The following RNF180 variants were observed in gnomAD, a reference collection of about 807,000 sequenced individuals.
RNF180 encodes the protein ring finger protein 180.
RNF180 carries 38 observed loss-of-function variants against 59.2 expected under a neutral mutation model. The ratio of observed to expected loss-of-function variants is 0.64; its 90% CI spans 0.50 to 0.84. The LOEUF is 0.84. Ranked by LOEUF, RNF180 falls within the 40% of genes least tolerant of loss-of-function variation. The probability of loss-of-function intolerance (pLI) is 0.00; values close to 1 mark genes in which losing one functional copy is unlikely to be tolerated. For missense variants in RNF180, 705 were observed against 700.9 expected (o/e 1.01, Z -0.07); for synonymous variants, 262 against 240.3 (o/e 1.09, Z -0.84).
At chr5:64,244,198 C>T (rs1459145724) in intron 5 of RNF180, among the ~76,000 whole-genome samples, 2 of 152,124 alleles carry the variant, frequency 1.3e-5, no homozygotes, top group Admixed American at 1.3e-4. Context: ...CAAAGGATCA[C>T]AACTCCTTAC....
At chr5:64,329,256 T>C (rs1233723298) in intron 6 of RNF180, among the ~76,000 whole-genome samples, 1 of 152,128 alleles carries the variant, frequency 6.6e-6, no homozygotes, top group African/African-American at 2.4e-5. Context: ...GCTATTCTGT[T>C]GTTACACTCA....
At chr5:64,307,399 C>CA (rs1289341591) in intron 5 of RNF180, among the ~76,000 whole-genome samples, 1 of 151,338 alleles carries the variant, frequency 6.6e-6, no homozygotes, top group Non-Finnish European at 1.5e-5. Context: ...TAGAGAAAGA[C>CA]AAAATGAAGA....
At chr5:64,232,342 T>A (rs1021201536) in intron 5 of RNF180, among the ~76,000 whole-genome samples, 1 of 152,204 alleles carries the variant, frequency 6.6e-6, no homozygotes, top group Non-Finnish European at 1.5e-5. Flanking sequence ...TTTTACAATT[T>A]CTGCAGACAT....
At chr5:64,358,616 C>T (rs1485445568) in intron 7 of RNF180, among the ~76,000 whole-genome samples, 1 of 151,570 alleles carries the variant, frequency 6.6e-6, no homozygotes, top group Non-Finnish European at 1.5e-5. Context: ...GTTTTATAGG[C>T]TAGATTTATC....
chr5:64,277,870 G>A (rs939326095), intron 5 of RNF180, among the ~76,000 whole-genome samples: 2 of 152,040 alleles, frequency 1.3e-5, no homozygotes, highest in African/African-American at 4.8e-5. Flanking sequence ...GCCAAAGCTG[G>A]GCCAACTCTA....
chr5:64,266,976 T>C (rs1381708351), intron 5 of RNF180, among the ~76,000 whole-genome samples: 2 of 152,170 alleles, frequency 1.3e-5, no homozygotes, highest in Admixed American at 6.6e-5. Flanking sequence ...GGATTTATTC[T>C]ACTTAGCATA....
At chr5:64,301,937 G>A (rs1743181204) in intron 5 of RNF180, among the ~76,000 whole-genome samples, 2 of 151,520 alleles carry the variant, frequency 1.3e-5, no homozygotes, top group Admixed American at 6.6e-5. Flanking sequence ...ATAATTGGAA[G>A]CAATAATACA....
intron 7 of RNF180, among the ~76,000 whole-genome samples, chr5:64,343,432 A>G (rs1383653053): frequency 6.6e-6 from 1 of 152,096 alleles, no homozygotes; most frequent in African/African-American, 2.4e-5. Context: ...AAGGGAATAG[A>G]AAAATATAGC....
rs57392612 is a variant in RNF180 at position 64,193,460 on chromosome 5, C to T, written c.1-7348C>T. On this transcript the variant is annotated intron_variant, in intron 1 of 7. Transcript: ENST00000389100. ...GTATACCAATTGTATCTTAATAAAG[C>T]TTTTTTTAAAAAAAATTAACATCAG... Among the ~76,000 whole-genome samples, 747 of 151,978 alleles carry T rather than the reference C, an allele frequency of 4.9e-3. 8 individuals are homozygous for T. The highest frequency in any genetic ancestry group is 0.017 in the African/African-American group (699 of 41,460).
At chr5:64,252,407 A>G (rs1481508828) in intron 5 of RNF180, among the ~76,000 whole-genome samples, 1 of 152,212 alleles carries the variant, frequency 6.6e-6, no homozygotes, top group Non-Finnish European at 1.5e-5. Context: ...TGTATTTTTG[A>G]AAAATGTCAG....
chr5:64,223,491 T>C (rs1252433020), intron 5 of RNF180, among the ~76,000 whole-genome samples: 1 of 152,174 alleles, frequency 6.6e-6, no homozygotes, highest in Non-Finnish European at 1.5e-5. Context: ...TTTCATTTAA[T>C]TTGACACAAT....
Position 64,214,364 on chromosome 5 carries a change from A to T in RNF180, c.1038A>T (p.Ser346=). The change falls in exon 4 of 8, where the codon TCA becomes TCT. Residue 346 remains serine, a synonymous_variant. Coordinates refer to ENST00000389100, the MANE Select transcript of RNF180 (RefSeq NM_001113561.2). The part of the protein sequence containing the change: ...PSAGRSMPEA[S]DQEEHLSPLD... The stretch of plus-strand genomic sequence containing the variant: ...CTGGCAGGAGCATGCCGGAGGCCTC[A>T]GACCAGGAAGAGCACCTCTCCCCTC... 1 of 1,614,112 alleles carries T rather than the reference A, an allele frequency of 6.2e-7. No individual in the cohort carries two copies. The highest frequency in any genetic ancestry group is 1.3e-5 in the African/African-American group (1 of 75,054).
chr5:64,173,717 CTTTT>C (rs113698456), intron 1 of RNF180, among the ~76,000 whole-genome samples: 1 of 140,056 alleles, frequency 7.1e-6, no homozygotes, highest in Non-Finnish European at 1.6e-5. Flanking sequence ...ATAGCATCAA[CTTTT>C]TTTTTTTTTT....
chr5:64,182,269 C>T (rs184079937), intron 1 of RNF180, among the ~76,000 whole-genome samples: 1 of 152,154 alleles, frequency 6.6e-6, no homozygotes, highest in Non-Finnish European at 1.5e-5. Context: ...GGGATTACAG[C>T]TACTTTCTTA....
At chr5:64,221,995 T>C (rs1741363198) in intron 5 of RNF180, among the ~76,000 whole-genome samples, 1 of 152,226 alleles carries the variant, frequency 6.6e-6, no homozygotes, top group Admixed American at 6.5e-5. Flanking sequence ...AGTCTTTTTT[T>C]TGTTGTTTCA....
intron 1 of RNF180, among the ~76,000 whole-genome samples, chr5:64,167,623 T>A (rs143832491): frequency 9.8e-5 from 15 of 152,302 alleles, no homozygotes; most frequent in African/African-American, 3.6e-4. Context: ...AAGAATGCAA[T>A]AAATTAATCA....
chr5:64,366,098 G>C (rs969121974), intron 7 of RNF180, among the ~76,000 whole-genome samples: 1 of 151,450 alleles, frequency 6.6e-6, no homozygotes. Flanking sequence ...TTTGCAGTGG[G>C]TGATAACAGT....
chr5:64,237,865 ACT>A (rs1489593476), intron 5 of RNF180, among the ~76,000 whole-genome samples: 1 of 150,574 alleles, frequency 6.6e-6, no homozygotes, highest in East Asian at 2.0e-4. Flanking sequence ...CCCCGCTTTC[ACT>A]CTCCTGCTGC....
At position 64,214,888 on chromosome 5, in the gene RNF180, G is replaced by C. The variant is rs921230055; in HGVS notation, c.1191+371G>C. ...TGAAAAAATGTTTTTTTTAAATTTT[G>C]GGTTGAAAAAATGTTTCAGTAAATT... is the stretch of plus-strand genomic sequence containing the variant. On this transcript the variant is annotated intron_variant, in intron 4 of 7. Transcript: ENST00000389100. 2.6e-5 allele frequency among the ~76,000 whole-genome samples: 4 copies of C among 151,770 alleles called. No homozygotes were observed. In the East Asian group the frequency reaches 7.7e-4, roughly 29 times the overall value.
Sources: gnomAD v4.1 joint callset for allele counts (sites outside exome capture counted in the v4.1 genomes callset) on GRCh38, gnomAD v4.1.1 for gene constraint, MANE v1.5 for transcripts, NCBI Gene and HGNC (gene_info 2026-07-23, HGNC 2026-07-21) for gene names.